IGF2R: variants seen among roughly 807,000 people sequenced by gnomAD.
IGF2R encodes the protein insulin like growth factor 2 receptor.
IGF2R carries 91 observed loss-of-function variants against 270.6 expected under a neutral mutation model. The observed-to-expected ratio is 0.34, with a 90% CI of 0.28 to 0.40. IGF2R has a LOEUF of 0.40. IGF2R is among the 10% of genes least tolerant of loss of function. The probability of loss-of-function intolerance (pLI) is 1.00; values close to 1 mark genes in which losing one functional copy is unlikely to be tolerated. For missense variants in IGF2R, 2,805 were observed against 3,188.3 expected (o/e 0.88, Z 2.90); for synonymous variants, 1,316 against 1,258.9 (o/e 1.05, Z -0.96).
Position 160,079,753 on chromosome 6 carries a change from T to A in IGF2R, c.5652T>A (p.Val1884=). 1 of 1,456,556 alleles carries A rather than the reference T, an allele frequency of 6.9e-7. No individual in the cohort carries two copies. The highest frequency in any genetic ancestry group is 1.5e-5 in the South Asian group (1 of 66,910). 90.2% of individuals were successfully genotyped at this position (1,456,556 alleles called of 1,614,324 possible). The change falls in exon 38 of 48, where the codon GTT becomes GTA. Residue 1884 remains valine (V), a synonymous_variant. Coordinates refer to ENST00000356956, the MANE Select transcript of IGF2R (RefSeq NM_000876.4). The part of the protein sequence containing the change: ...LDYRHQDEAV[V]LSYVNGDRCP... ...ACAGGCACCAGGATGAAGCGGTCGTTTTAAGTTACGTGAATGGTGATCGTT... is the reference window on the plus strand; with the variant it reads ...ACAGGCACCAGGATGAAGCGGTCGTATTAAGTTACGTGAATGGTGATCGTT...
chr6:160,048,125 G>C (rs1778111250), intron 17 of IGF2R, among the ~76,000 whole-genome samples: 1 of 152,188 alleles, frequency 6.6e-6, no homozygotes, highest in African/African-American at 2.4e-5. Flanking sequence ...TCGGCCTTTA[G>C]CTTCATCATT....
intron 3 of IGF2R, 29 bp downstream of exon 3, chr6:160,009,163 T>A (rs1784293364): frequency 6.3e-7 from 1 of 1,587,170 alleles, no homozygotes; most frequent in Non-Finnish European, 8.5e-7. Flanking sequence ...TTGATGTATT[T>A]CTTTAAAAAA....
chr6:160,029,179 CTG>C (rs1360818528), intron 6 of IGF2R, among the ~76,000 whole-genome samples: 4 of 152,146 alleles, frequency 2.6e-5, no homozygotes, highest in Non-Finnish European at 5.9e-5. Context: ...TGGAGGTTCG[CTG>C]TGTTGGCCAG....
At chr6:160,099,606 A>G (rs548078601) in intron 45 of IGF2R, among the ~76,000 whole-genome samples, 2 of 152,238 alleles carry the variant, frequency 1.3e-5, no homozygotes, top group African/African-American at 4.8e-5. Flanking sequence ...TGATCTTGTG[A>G]TCCGCCTGCC....
rs888095015 is a variant in IGF2R at position 160,064,455 on chromosome 6, C to T, written c.3941C>T (p.Thr1314Met). The T allele has an allele frequency of 1.7e-5, 28 of 1,611,914 alleles. No homozygotes were observed. The highest frequency in any genetic ancestry group is 2.2e-5 in the Non-Finnish European group (26 of 1,178,686). ...YENGLLKMNF[T>M]GGDTCHKVYQ... Reference sequence around the variant, plus strand: ...AATGGCTTGTTAAAAATGAACTTCACGGGGGGGGACACTTGCCATAAGGTT... The same window carrying T: ...AATGGCTTGTTAAAAATGAACTTCATGGGGGGGGACACTTGCCATAAGGTT... The change falls in exon 28 of 48, where the codon ACG becomes ATG. Residue 1314 changes from threonine (T) to methionine (M), a missense_variant. Around this residue, in one of 2 missense-constraint regions of IGF2R, gnomAD observed 1,851 missense variants for 2,207.2 expected, o/e 0.84. Transcript: ENST00000356956.
At chr6:160,089,864 A>G (rs1161317672) in intron 43 of IGF2R, 52 bp from the exon 44 acceptor site, 2 of 1,308,364 alleles carry the variant, frequency 1.5e-6, no homozygotes, top group Non-Finnish European at 2.1e-6. Context: ...TTATGTCATG[A>G]ATGCCTTCTT....
intron 34 of IGF2R, 118 bp downstream of exon 34, chr6:160,073,587 C>T: frequency 6.4e-6 from 8 of 1,249,628 alleles, no homozygotes; most frequent in Non-Finnish European, 8.9e-6. Flanking sequence ...CACTCCTGAT[C>T]ACCCCAATAA....
chr6:160,047,940 T>A, intron 17 of IGF2R, 33 bp downstream of exon 17: 1 of 1,318,066 alleles, frequency 7.6e-7, no homozygotes, highest in Non-Finnish European at 1.1e-6. Context: ...GTTTTTGGCC[T>A]GGTACAGATG....
chr6:160,102,731 G>GT lies in IGF2R; in HGVS notation c.6995+60_6995+61insT. On this transcript the variant is annotated intron_variant, in intron 46 of 47. Transcript: ENST00000356956. This position sits in a 1 kb window ranked among gnomAD's most constrained non-coding sequence, Gnocchi z 4.5. ...ATGCATGCCTCCCATAGCTAATCTT[G>GT]GGGTCAGTTTTGTGGGGTTTTATTT... The GT allele has an allele frequency of 6.6e-7, 1 of 1,515,160 alleles. No individual in the cohort carries two copies. Among genetic ancestry groups the GT allele is most frequent in the Non-Finnish European group, 8.9e-7 (1 of 1,118,054 alleles). The allele number at this position is 1,515,160 out of a possible 1,614,324, so 93.9% of individuals were successfully genotyped here.
At chr6:160,003,438 G>A (rs1171864729) in intron 2 of IGF2R, 1 of 152,184 alleles carries the variant, frequency 6.6e-6, no homozygotes, top group Admixed American at 6.5e-5. Flanking sequence ...GACTCAAACG[G>A]ATAGAAGAAG....
intron 31 of IGF2R, among the ~76,000 whole-genome samples, chr6:160,070,630 G>A (rs1437384708): frequency 6.6e-6 from 1 of 152,246 alleles, no homozygotes; most frequent in Non-Finnish European, 1.5e-5. Context: ...TGTTTGGCAT[G>A]CACGTAAGCA....
At position 160,083,947 on chromosome 6, in the gene IGF2R, C is replaced by T. The variant is rs8191913; in HGVS notation, c.5834-3C>T. The T allele has an allele frequency of 1.0e-4, 162 of 1,606,418 alleles. No homozygotes were observed. The African/African-American group carries it at 1.8e-3, about 18-fold the overall frequency. ...CTCTCTCTCTTTTCCCTACACTCCC[C>T]AGCAAACAGCTACCGGACATCCAGC... is the stretch of plus-strand genomic sequence containing the variant. On this transcript the variant is annotated splice_polypyrimidine_tract_variant and splice_region_variant and intron_variant, in intron 39 of 47. Coordinates refer to ENST00000356956, the MANE Select transcript of IGF2R (RefSeq NM_000876.4).
intron 28 of IGF2R, 83 bp downstream of exon 28, chr6:160,064,614 A>G: frequency 6.8e-7 from 1 of 1,465,334 alleles, no homozygotes; most frequent in South Asian, 1.2e-5. Context: ...ATCTGTCCTC[A>G]GATCTCATCA....
chr6:160,061,873 A>T lies in IGF2R; in HGVS notation c.3527A>T (p.Lys1176Met). The change falls in exon 25 of 48, where the codon AAG becomes ATG. Residue 1176 changes from lysine (K) to methionine (M), a missense_variant. By Grantham distance (95) the Lys-to-Met change is moderately conservative (BLOSUM62 -1). This residue lies in a region of IGF2R where 1,851 missense variants were observed against 2,207.2 expected (regional missense o/e 0.84). Coordinates refer to ENST00000356956, the MANE Select transcript of IGF2R (RefSeq NM_000876.4). The part of the protein sequence containing the change: ...SLSIMYVNGD[K>M]CGNQRFSTRI... ...AGCATCATGTATGTCAACGGTGACA[A>T]GTGTGGGAACCAGCGCTTCTCCACC... 5.6e-6 allele frequency: 9 copies of T among 1,614,192 alleles called. No homozygotes were observed. The highest frequency in any genetic ancestry group is 7.6e-6 in the Non-Finnish European group (9 of 1,180,034).
chr6:160,058,131 G>A lies in IGF2R; in HGVS notation c.2898+7G>A, dbSNP rs1429103650. 5 of 1,555,350 alleles carry A rather than the reference G, an allele frequency of 3.2e-6. No individual in the cohort carries two copies. Among genetic ancestry groups the A allele is most frequent in the East Asian group, 4.5e-5 (2 of 44,586 alleles). On this transcript the variant is annotated splice_region_variant and intron_variant, in intron 21 of 47. Coordinates refer to ENST00000356956, the MANE Select transcript of IGF2R (RefSeq NM_000876.4). Reference sequence around the variant, plus strand: ...CATTGGGAAGATTTTTATGGTAAGAGCGATATGATGCATTTCCAGTTTGCT... The same window carrying A: ...CATTGGGAAGATTTTTATGGTAAGAACGATATGATGCATTTCCAGTTTGCT...
At chr6:160,072,986 G>A in intron 33 of IGF2R, 102 bp downstream of exon 33, 1 of 1,494,146 alleles carries the variant, frequency 6.7e-7, no homozygotes, top group East Asian at 2.3e-5. Flanking sequence ...GCAGAGCCAG[G>A]AAGCTGAGAC....
intron 10 of IGF2R, among the ~76,000 whole-genome samples, chr6:160,035,149 G>C (rs1777788983): frequency 6.6e-6 from 1 of 152,158 alleles, no homozygotes; most frequent in Non-Finnish European, 1.5e-5. Flanking sequence ...TCAGAGACCT[G>C]CCCCATCTGT....
chr6:160,040,475 C>A, intron 10 of IGF2R, 85 bp from the exon 11 acceptor site: 1 of 1,168,744 alleles, frequency 8.6e-7, no homozygotes, highest in Non-Finnish European at 1.3e-6. Context: ...TGGCATTGGT[C>A]CTGTTCAGTT....
intron 1 of IGF2R, among the ~76,000 whole-genome samples, chr6:159,976,539 T>C (rs570251700): frequency 6.6e-6 from 1 of 152,314 alleles, no homozygotes; most frequent in African/African-American, 2.4e-5. Context: ...CTCGTTTGAC[T>C]TGAATGCTTA....
Sources: allele counts gnomAD v4.1 joint callset (sites outside exome capture counted in the v4.1 genomes callset), GRCh38; gene constraint gnomAD v4.1.1; regional missense constraint gnomAD v4.1.1; non-coding constraint Gnocchi (gnomAD v3.1); transcripts MANE v1.5; gene names NCBI Gene and HGNC (gene_info 2026-07-23, HGNC 2026-07-21).